Variants in DIS3L2 observed in about 807,000 individuals in gnomAD.
DIS3L2 encodes DIS3-like exonuclease 2.
In DIS3L2, 34 loss-of-function variants were observed where a neutral mutation model predicts 97.5. The ratio of observed to expected loss-of-function variants is 0.35; its 90% confidence interval spans 0.27 to 0.46. The LOEUF (loss-of-function observed/expected upper bound fraction) is 0.46, where lower values mean the gene tolerates loss of function less well. Ranked by LOEUF, DIS3L2 falls within the 20% of genes least tolerant of loss-of-function variation. DIS3L2 has a pLI of 1.00. For missense variants in DIS3L2, 1,038 were observed against 1,146.0 expected (o/e 0.91, Z 1.36); for synonymous variants, 435 against 445.2 (o/e 0.98, Z 0.29).
At chr2:232,048,255 T>C (rs969293415) in intron 5 of DIS3L2, among the ~76,000 whole-genome samples, 5 of 152,228 alleles carry the variant, frequency 3.3e-5, no homozygotes, top group African/African-American at 1.2e-4. Context: ...TTTAGTCCAC[T>C]ATATGAGCAG....
chr2:232,263,277 G>C lies in DIS3L2; in HGVS notation c.1496G>C (p.Ser499Thr). The change falls in exon 13 of 21, where the codon AGC (serine) becomes ACC (threonine). Residue 499 changes from serine to threonine, a missense_variant. Physicochemically the swap from Ser to Thr is moderately conservative, Grantham distance 58. Around this residue, in one of 3 missense-constraint regions of DIS3L2, gnomAD observed 813 missense variants for 880.1 expected, o/e 0.92. Coordinates refer to ENST00000325385, the MANE Select transcript of DIS3L2 (RefSeq NM_152383.5). ...AAACTTAGCTACGAGCATGCACAGA[G>C]CATGATTGAAAGCCCAACTGAGAAA... Reference protein sequence around the residue: ...CTKLSYEHAQSMIESPTEKIP... With the variant: ...CTKLSYEHAQTMIESPTEKIP... 1.9e-6 allele frequency: 3 copies of C among 1,614,214 alleles called. No individual in the cohort carries two copies. The South Asian group carries it at 3.3e-5, about 18-fold the overall frequency.
intron 8 of DIS3L2, among the ~76,000 whole-genome samples, chr2:232,156,899 G>A (rs1473013591): frequency 6.6e-6 from 1 of 151,276 alleles, no homozygotes; most frequent in African/African-American, 2.4e-5. Context: ...TTAATGGATG[G>A]TTAGTTATTT....
chr2:232,149,418 A>G (rs867876641), intron 8 of DIS3L2, among the ~76,000 whole-genome samples: 19 of 116,072 alleles, frequency 1.6e-4, no homozygotes, highest in South Asian at 6.2e-4. Flanking sequence ...TCATTGTTCA[A>G]TTCCCACCTA....
chr2:232,158,705 C>T (rs1429318370), intron 8 of DIS3L2, among the ~76,000 whole-genome samples: 12 of 151,984 alleles, frequency 7.9e-5, no homozygotes, highest in Non-Finnish European at 1.3e-4. Flanking sequence ...TTTGTGCTTA[C>T]AAACAAGAAC....
chr2:232,249,849 GCAT>G (rs1189657978), intron 12 of DIS3L2, among the ~76,000 whole-genome samples: 1 of 152,222 alleles, frequency 6.6e-6, no homozygotes, highest in Non-Finnish European at 1.5e-5. Flanking sequence ...GGTCAGTGGT[GCAT>G]CGTCATGCTG....
intron 11 of DIS3L2, among the ~76,000 whole-genome samples, chr2:232,245,645 TA>T (rs1222134396): frequency 6.6e-6 from 1 of 152,224 alleles, no homozygotes; most frequent in Non-Finnish European, 1.5e-5. Context: ...AAATACTTCT[TA>T]AAAATTAAAT....
At chr2:232,242,255 T>TA in intron 11 of DIS3L2, among the ~76,000 whole-genome samples, 1 of 152,340 alleles carries the variant, frequency 6.6e-6, no homozygotes, top group East Asian at 1.9e-4. Context: ...ACCTTGTTGT[T>TA]AAAACCTCGA....
At chr2:232,283,471 GGT>G (rs1196020879) in intron 13 of DIS3L2, among the ~76,000 whole-genome samples, 1 of 152,136 alleles carries the variant, frequency 6.6e-6, no homozygotes, top group African/African-American at 2.4e-5. Flanking sequence ...TGCCCAGGCT[GGT>G]CTCCAACTCC....
chr2:232,010,599 C>T (rs1445954699), intron 1 of DIS3L2, among the ~76,000 whole-genome samples: 1 of 151,658 alleles, frequency 6.6e-6, no homozygotes, highest in Non-Finnish European at 1.5e-5. Flanking sequence ...ATCTTTTTCT[C>T]TCTCTAAACC....
chr2:232,155,756 C>T (rs1220598911), intron 8 of DIS3L2, among the ~76,000 whole-genome samples: 6 of 151,950 alleles, frequency 3.9e-5, no homozygotes, highest in South Asian at 2.1e-4. Flanking sequence ...TTTGGGAGGC[C>T]GAGGCGGGCA....
intron 6 of DIS3L2, among the ~76,000 whole-genome samples, chr2:232,096,708 ACT>A (rs1171056521): frequency 2.7e-5 from 4 of 146,772 alleles, no homozygotes; most frequent in South Asian, 2.2e-4. Context: ...CTATTAAAAG[ACT>A]CTGATGTGTT....
At chr2:232,148,772 T>A (rs3103298) in intron 8 of DIS3L2, among the ~76,000 whole-genome samples, 1 of 135,364 alleles carries the variant, frequency 7.4e-6, no homozygotes, top group South Asian at 2.6e-4. Context: ...TTTTTTTTTT[T>A]ACACAGCCTT....
At chr2:232,201,246 A>G (rs1003805104) in intron 9 of DIS3L2, among the ~76,000 whole-genome samples, 6 of 152,240 alleles carry the variant, frequency 3.9e-5, no homozygotes, top group Non-Finnish European at 7.3e-5. Flanking sequence ...TTCTGAAGGT[A>G]TGCACATCAT....
intron 5 of DIS3L2, among the ~76,000 whole-genome samples, chr2:232,046,912 A>G (rs966203651): frequency 2.0e-5 from 3 of 152,126 alleles, no homozygotes; most frequent in South Asian, 2.1e-4. Context: ...TTGGCTTCCC[A>G]AAATGCTGGG....
At chr2:231,969,763 G>A (rs1460518655) in intron 1 of DIS3L2, among the ~76,000 whole-genome samples, 1 of 152,180 alleles carries the variant, frequency 6.6e-6, no homozygotes, top group Non-Finnish European at 1.5e-5. Flanking sequence ...TAGAGATGGT[G>A]AGAGCAGATT....
At chr2:232,101,285 A>G (rs1398250494) in intron 6 of DIS3L2, among the ~76,000 whole-genome samples, 1 of 150,886 alleles carries the variant, frequency 6.6e-6, no homozygotes, top group Non-Finnish European at 1.5e-5. Flanking sequence ...ATGTATTTGT[A>G]TTTCTTACAT....
At chr2:232,181,365 C>T (rs986077052) in intron 9 of DIS3L2, among the ~76,000 whole-genome samples, 4 of 152,148 alleles carry the variant, frequency 2.6e-5, no homozygotes, top group African/African-American at 9.7e-5. Flanking sequence ...GGCTGCCTTG[C>T]TAGATTGGGG....
intron 6 of DIS3L2, among the ~76,000 whole-genome samples, chr2:232,117,064 A>G (rs1559645962): frequency 6.6e-6 from 1 of 152,140 alleles, no homozygotes; most frequent in Admixed American, 6.5e-5. Flanking sequence ...GCCCTGTTTC[A>G]GAGCCCCTTT....
intron 6 of DIS3L2, among the ~76,000 whole-genome samples, chr2:232,100,547 T>C (rs1697165998): frequency 2.0e-5 from 3 of 152,232 alleles, no homozygotes; most frequent in South Asian, 4.1e-4. Context: ...TTTAGCTCTA[T>C]TCTACAGATT....
Sources: allele counts gnomAD v4.1 joint callset (sites outside exome capture counted in the v4.1 genomes callset), GRCh38; gene constraint gnomAD v4.1.1; regional missense constraint gnomAD v4.1.1; transcripts MANE v1.5; gene names NCBI Gene and HGNC (gene_info 2026-07-23, HGNC 2026-07-21).